The following DST variants were observed in gnomAD, a reference collection of about 807,000 sequenced individuals.
The protein encoded by DST is dystonin.
In DST, 253 loss-of-function variants were observed where a neutral mutation model predicts 875.2. The ratio of observed to expected loss-of-function variants is 0.29; its 90% CI spans 0.26 to 0.32. DST has a LOEUF of 0.32. Among genes scored for constraint, DST ranks in the 10% least tolerant of loss-of-function variants. The pLI is 1.00. For synonymous variants in DST, 3,124 were observed against 3,197.1 expected (o/e 0.98, Z 0.77); for missense variants, 8,287 against 9,111.6 (o/e 0.91, Z 3.68).
intron 9 of DST, among the ~76,000 whole-genome samples, chr6:56,695,535 A>G (rs2099258889): frequency 1.3e-5 from 2 of 152,164 alleles, no homozygotes; most frequent in Admixed American, 1.3e-4. Context: ...GTATCTGTGA[A>G]AATTTCCTAC....
intron 22 of DST, chr6:56,639,054 A>T (rs1461580489): frequency 3.3e-6 from 2 of 607,524 alleles, no homozygotes; most frequent in African/African-American, 1.9e-5. Flanking sequence ...GAGGCTGACA[A>T]GGGTACTTTT....
At chr6:56,647,068 A>G (rs961573454) in intron 13 of DST, among the ~76,000 whole-genome samples, 33 of 152,090 alleles carry the variant, frequency 2.2e-4, no homozygotes, top group African/African-American at 7.5e-4. Flanking sequence ...CACTTCTTCT[A>G]TAACTAAGAA....
chr6:56,619,882 C>T (rs1254282667), intron 36 of DST: 4 of 1,613,988 alleles, frequency 2.5e-6, no homozygotes. Flanking sequence ...CATATGTCAG[C>T]TCTCTCATGT....
At chr6:56,810,284 TG>T (rs1479046406) in intron 4 of DST, among the ~76,000 whole-genome samples, 2 of 152,290 alleles carry the variant, frequency 1.3e-5, no homozygotes, top group East Asian at 3.9e-4. Context: ...CATTCCAGCT[TG>T]GGTGATAGAG....
intron 8 of DST, among the ~76,000 whole-genome samples, chr6:56,701,229 AT>A (rs2099303687): frequency 1.3e-5 from 2 of 151,772 alleles, no homozygotes; most frequent in South Asian, 2.1e-4. Flanking sequence ...ACTCTCCTGC[AT>A]TTTTTTGTAC....
At position 56,908,384 on chromosome 6, in the gene DST, T is replaced by C. The variant is rs181492111; in HGVS notation, c.217-7763A>G. Among the ~76,000 whole-genome samples, 251 of 152,294 alleles carry C rather than the reference T, an allele frequency of 1.6e-3. 1 individual carries two copies. Among genetic ancestry groups the C allele is most frequent in the African/African-American group, 5.8e-3 (242 of 41,556 alleles). On this transcript the variant is annotated intron_variant, in intron 2 of 103. Coordinates refer to ENST00000680361, the MANE Select transcript of DST (RefSeq NM_001374736.1). ...AAAATATGCCTTGATTTTCAATAAC[T>C]TATAATTGAAATTTAAAATATGGTT...
intron 4 of DST, among the ~76,000 whole-genome samples, chr6:56,745,081 G>T (rs552139353): frequency 6.6e-6 from 1 of 152,002 alleles, no homozygotes; most frequent in Non-Finnish European, 1.5e-5. Flanking sequence ...CCAGCCACTC[G>T]CCCCTCCACC....
intron 13 of DST, among the ~76,000 whole-genome samples, 183 bp downstream of exon 13, chr6:56,648,387 G>A (rs1026677328): frequency 6.6e-6 from 1 of 152,102 alleles, no homozygotes; most frequent in Non-Finnish European, 1.5e-5. Context: ...TGTTTTAATT[G>A]TTAATGTTTT....
rs1020642553 is a variant in DST at position 56,526,684 on chromosome 6, C to T, written c.17923-117G>A. 9.3e-6 allele frequency: 8 copies of T among 857,094 alleles called. No homozygotes were observed. The African/African-American group carries it at 1.2e-4, about 13-fold the overall frequency. The allele number at this position is 857,094 out of a possible 1,614,324, so 53.1% of individuals were successfully genotyped here. Reference sequence around the variant, plus strand: ...TAATGTGATGCTTTGCCCCACTCCCCCCCTCCCTTAGTTTCAGTCGAGTTA... The same window carrying T: ...TAATGTGATGCTTTGCCCCACTCCCTCCCTCCCTTAGTTTCAGTCGAGTTA... On this transcript the variant is annotated intron_variant, in intron 68 of 103. Coordinates refer to ENST00000680361, the MANE Select transcript of DST (RefSeq NM_001374736.1).
intron 2 of DST, among the ~76,000 whole-genome samples, chr6:56,944,629 C>T (rs1818479423): frequency 6.6e-6 from 1 of 152,128 alleles, no homozygotes; most frequent in Non-Finnish European, 1.5e-5. Context: ...GTAGACTCGA[C>T]CTATCACAGG....
intron 88 of DST, chr6:56,484,779 T>C: frequency 6.6e-6 from 1 of 152,318 alleles, no homozygotes; most frequent in East Asian, 1.9e-4. Flanking sequence ...TTTCTCGAAG[T>C]AAATAATAAT....
rs527517256 is a variant in DST at position 56,917,996 on chromosome 6, C to G, written c.217-17375G>C. ...CAAATACATCCCTCTAGAGTAATCA[C>G]TGTGATGTTAGTTCCTATCATCTTG... On this transcript the variant is annotated intron_variant, in intron 2 of 103. Coordinates refer to ENST00000680361, the MANE Select transcript of DST (RefSeq NM_001374736.1). 1.4e-4 allele frequency among the ~76,000 whole-genome samples: 22 copies of G among 152,270 alleles called. 1 individual carries two copies. The highest frequency in any genetic ancestry group is 1.4e-3 in the Admixed American group (22 of 15,306).
intron 37 of DST, among the ~76,000 whole-genome samples, chr6:56,614,033 C>T (rs1480055767): frequency 6.6e-6 from 1 of 152,118 alleles, no homozygotes; most frequent in Non-Finnish European, 1.5e-5. Context: ...AGACATAAAA[C>T]AGAATGACTC....
intron 4 of DST, among the ~76,000 whole-genome samples, chr6:56,759,400 A>G (rs981560163): frequency 2.0e-5 from 3 of 152,126 alleles, no homozygotes; most frequent in African/African-American, 7.2e-5. Context: ...GCAGTGAGCC[A>G]TGATTGCACC....
intron 4 of DST, among the ~76,000 whole-genome samples, chr6:56,846,346 A>T (rs752017777): frequency 6.6e-5 from 10 of 152,252 alleles, no homozygotes; most frequent in Non-Finnish European, 1.5e-4. Flanking sequence ...CAGAGAAGGA[A>T]TTAAAACCAA....
chr6:56,654,258 T>C (rs572955438), intron 10 of DST, among the ~76,000 whole-genome samples: 1 of 152,286 alleles, frequency 6.6e-6, no homozygotes, highest in East Asian at 1.9e-4. Context: ...CCAATTATCA[T>C]ACATTATAAT....
intron 9 of DST, among the ~76,000 whole-genome samples, chr6:56,677,895 T>C (rs183337500): frequency 1.7e-3 from 260 of 152,318 alleles, no homozygotes; most frequent in Non-Finnish European, 3.0e-3. Flanking sequence ...CAAAGTCTCA[T>C]GTCTTCAATA....
intron 5 of DST, among the ~76,000 whole-genome samples, chr6:56,710,979 T>A (rs1427744930): frequency 3.9e-5 from 6 of 152,058 alleles, no homozygotes; most frequent in Admixed American, 3.9e-4. Flanking sequence ...TAGTTACACA[T>A]CTTAAGGTAT....
Position 56,477,395 on chromosome 6 carries a change from T to A in DST, c.21625A>T (p.Ile7209Phe), listed in dbSNP as rs781396969. The A allele has an allele frequency of 3.7e-6, 6 of 1,613,982 alleles. No individual in the cohort carries two copies. Among genetic ancestry groups the A allele is most frequent in the Non-Finnish European group, 3.4e-6 (4 of 1,179,876 alleles). The change falls in exon 91 of 104, where the codon ATC (isoleucine) becomes TTC (phenylalanine). Residue 7209 changes from isoleucine (I) to phenylalanine (F), a missense_variant. Around this residue, in one of 10 missense-constraint regions of DST, gnomAD observed 1,292 missense variants for 1,552.7 expected, o/e 0.83. Transcript: ENST00000680361. Reference protein sequence around the residue: ...TVLAICHPDSITTIKHWITII... With the variant: ...TVLAICHPDSFTTIKHWITII... The stretch of plus-strand genomic sequence containing the variant: ...GTTATCCAGTGCTTAATGGTAGTGA[T>A]GGAGTCGGGGTGGCAGATAGCCAAA...
Sources: allele counts gnomAD v4.1 joint callset (sites outside exome capture counted in the v4.1 genomes callset), GRCh38; gene constraint gnomAD v4.1.1; regional missense constraint gnomAD v4.1.1; transcripts MANE v1.5; gene names NCBI Gene and HGNC (gene_info 2026-07-23, HGNC 2026-07-21).